ZC3H11A: variants seen among roughly 807,000 people sequenced by gnomAD.
The protein encoded by ZC3H11A is zinc finger CCCH-type containing 11A.
A neutral mutation model predicts 90.8 loss-of-function variants in ZC3H11A; 22 were observed. That is an observed-to-expected ratio of 0.24 (90% CI 0.17 to 0.35). ZC3H11A has a LOEUF of 0.35. Among genes scored for constraint, ZC3H11A ranks in the 10% least tolerant of loss-of-function variants. ZC3H11A has a pLI of 1.00. For synonymous variants in ZC3H11A, 294 were observed against 339.8 expected, an observed-to-expected ratio of 0.87 and a Z score of 1.48; for missense variants, 701 against 964.9, an observed-to-expected ratio of 0.73 and a Z score of 3.62.
intron 12 of ZC3H11A, among the ~76,000 whole-genome samples, chr1:203,841,927 G>A (rs1406330068): frequency 2.7e-5 from 4 of 150,464 alleles, no homozygotes; most frequent in African/African-American, 9.9e-5. Flanking sequence ...AGATGGGGTG[G>A]CGGTCGGGCA....
chr1:203,801,779 C>G lies in ZC3H11A; in HGVS notation c.-1383C>G, dbSNP rs1014647546. On this transcript the variant is annotated 5_prime_UTR_variant, in exon 2 of 18. Coordinates refer to ENST00000367210, the MANE Select transcript of ZC3H11A (RefSeq NM_001376342.1). ...TGGGCTGGTTTCAAAGTTTAGAACT[C>G]ATTTCTATGTATCAAAATCGGGTTT... 4.0e-5 allele frequency: 6 copies of G among 150,744 alleles called. No homozygotes were observed. The allele number at this position is 150,744 out of a possible 1,614,324, so 9.3% of individuals were successfully genotyped here. A position where few individuals can be genotyped will look rare whatever the true frequency, so the allele number is the denominator to read the frequency against.
At chr1:203,823,713 T>C (rs548778497) in intron 4 of ZC3H11A, among the ~76,000 whole-genome samples, 1 of 152,296 alleles carries the variant, frequency 6.6e-6, no homozygotes, top group South Asian at 2.1e-4. Context: ...AAGAACTAAA[T>C]ACTTATACTT....
intron 12 of ZC3H11A, among the ~76,000 whole-genome samples, chr1:203,844,177 T>C (rs1299074223): frequency 6.6e-6 from 1 of 150,824 alleles, no homozygotes; most frequent in Admixed American, 6.6e-5. Flanking sequence ...TTTTTATTTT[T>C]GTTTGAGACA....
intron 4 of ZC3H11A, among the ~76,000 whole-genome samples, chr1:203,821,238 C>T (rs1678568640): frequency 6.6e-6 from 1 of 152,142 alleles, no homozygotes; most frequent in Non-Finnish European, 1.5e-5. Flanking sequence ...TGTCTTGCGT[C>T]CTGTTCACCT....
chr1:203,849,351 T>C (rs1688722352), intron 14 of ZC3H11A, among the ~76,000 whole-genome samples: 1 of 152,234 alleles, frequency 6.6e-6, no homozygotes, highest in Admixed American at 6.5e-5. Context: ...CACATGATTC[T>C]CCATTATACA....
intron 12 of ZC3H11A, among the ~76,000 whole-genome samples, chr1:203,845,289 CAG>C (rs1478213116): frequency 6.6e-6 from 1 of 152,036 alleles, no homozygotes; most frequent in Non-Finnish European, 1.5e-5. Context: ...GGGAGGGAAA[CAG>C]GGCCTCTATG....
At position 203,849,944 on chromosome 1, in the gene ZC3H11A, G is replaced by A; in HGVS notation, c.1857G>A (p.Lys619=). Reference sequence around the variant, plus strand: ...GGCTTCCCACAAAGTCATCCCAGAAGGTGGAGGTAGAAACCTCAGGGATTG... The same window carrying A: ...GGCTTCCCACAAAGTCATCCCAGAAAGTGGAGGTAGAAACCTCAGGGATTG... ...TKRLPTKSSQ[K]VEVETSGIGD... The change falls in exon 15 of 18, where the codon AAG becomes AAA. Residue 619 remains lysine, a synonymous_variant. Coordinates refer to ENST00000367210, the MANE Select transcript of ZC3H11A (RefSeq NM_001376342.1). 6.2e-7 allele frequency: 1 copy of A among 1,614,100 alleles called. No individual in the cohort carries two copies. Among genetic ancestry groups the A allele is most frequent in the Non-Finnish European group, 8.5e-7 (1 of 1,180,026 alleles).
At chr1:203,843,643 T>G (rs558163262) in intron 12 of ZC3H11A, among the ~76,000 whole-genome samples, 140 of 152,324 alleles carry the variant, frequency 9.2e-4, no homozygotes, top group African/African-American at 3.2e-3. Context: ...AATGAATGAC[T>G]GCTGGTGTGT....
chr1:203,841,872 C>T (rs1486426927), intron 12 of ZC3H11A, among the ~76,000 whole-genome samples: 1 of 147,104 alleles, frequency 6.8e-6, no homozygotes, highest in Non-Finnish European at 1.5e-5. Flanking sequence ...AGGGGCTCCT[C>T]ACTTCTCAGA....
intron 12 of ZC3H11A, among the ~76,000 whole-genome samples, chr1:203,843,090 G>A (rs982576160): frequency 7.2e-5 from 11 of 152,082 alleles, no homozygotes; most frequent in East Asian, 3.9e-4. Context: ...AAGGGAGTCC[G>A]ATGTTGGACA....
chr1:203,848,924 G>T (rs1688618512), intron 14 of ZC3H11A, among the ~76,000 whole-genome samples: 1 of 151,930 alleles, frequency 6.6e-6, no homozygotes, highest in African/African-American at 2.4e-5. Flanking sequence ...TTGCTCTGTT[G>T]CCCAGGCTGG....
At chr1:203,831,559 C>G (rs1682385352) in intron 8 of ZC3H11A, 102 bp from the exon 9 acceptor site, 7 of 855,200 alleles carry the variant, frequency 8.2e-6, no homozygotes, top group Non-Finnish European at 1.3e-5. Context: ...GTCATAATAT[C>G]AGTCTGTATT....
intron 4 of ZC3H11A, among the ~76,000 whole-genome samples, chr1:203,825,076 C>CAAAAAAAAA (rs61108073): frequency 1.8e-5 from 2 of 108,950 alleles, no homozygotes; most frequent in Non-Finnish European, 3.5e-5. Context: ...GACTCCGTCT[C>CAAAAAAAAA]AAAAAAAAAA....
intron 2 of ZC3H11A, among the ~76,000 whole-genome samples, chr1:203,804,265 C>T (rs540665737): frequency 4.6e-5 from 7 of 151,684 alleles, no homozygotes; most frequent in African/African-American, 1.5e-4. Flanking sequence ...CATTCTCCTG[C>T]CTCAGCCTCC....
rs1677177319 is a variant in ZC3H11A, at chr1:203,818,683, G to T, written c.168G>T (p.Glu56Asp). 1.2e-6 allele frequency: 2 copies of T among 1,614,034 alleles called. No individual in the cohort carries two copies. Among genetic ancestry groups the T allele is most frequent in the Non-Finnish European group, 1.7e-6 (2 of 1,180,036 alleles). ...AGGTGTGCAGGTTTCGGCACATGGA[G>T]ATTGATGTAAGTTTTTTATTTCCGT... is the stretch of plus-strand genomic sequence containing the variant. ...FRQVCRFRHM[E>D]IDKKRSEIPC... The change falls in exon 4 of 18, where the codon GAG becomes GAT. Residue 56 changes from glutamate to aspartate, a missense_variant. This residue lies in a region of ZC3H11A where 59 missense variants were observed against 132.8 expected (regional missense o/e 0.44). Coordinates refer to ENST00000367210, the MANE Select transcript of ZC3H11A (RefSeq NM_001376342.1).
intron 15 of ZC3H11A, 191 bp downstream of exon 15, chr1:203,850,217 T>G: frequency 1.5e-6 from 1 of 673,576 alleles, no homozygotes; most frequent in Non-Finnish European, 2.5e-6. Context: ...GAATTTAAAA[T>G]TGCTATTTAA....
At position 203,848,416 on chromosome 1, in the gene ZC3H11A, A is replaced by C. The variant is rs1481465481; in HGVS notation, c.1623+9A>C. The C allele has an allele frequency of 4.4e-6, 7 of 1,600,576 alleles. No individual in the cohort carries two copies. The highest frequency in any genetic ancestry group is 1.3e-5 in the African/African-American group (1 of 74,456). The stretch of plus-strand genomic sequence containing the variant: ...GAACAGAAGCTAAAGAGGTAAATTT[A>C]AGATTATTGTATGGTTTTGTTCATG... On this transcript the variant is annotated intron_variant, in intron 14 of 17. Transcript: ENST00000367210.
intron 14 of ZC3H11A, among the ~76,000 whole-genome samples, chr1:203,849,086 T>C (rs1688662378): frequency 1.3e-5 from 2 of 152,228 alleles, no homozygotes; most frequent in African/African-American, 4.8e-5. Context: ...AGTTTCTCCA[T>C]GTTGTCCAGA....
At chr1:203,799,074 G>T in intron 1 of ZC3H11A, 2 of 1,536,102 alleles carry the variant, frequency 1.3e-6, no homozygotes, top group Non-Finnish European at 8.7e-7. Context: ...CAGGATCCCC[G>T]ATTTTAGAAA....
Sources: allele counts gnomAD v4.1 joint callset (sites outside exome capture counted in the v4.1 genomes callset), GRCh38; gene constraint gnomAD v4.1.1; regional missense constraint gnomAD v4.1.1; transcripts MANE v1.5; gene names NCBI Gene and HGNC (gene_info 2026-07-23, HGNC 2026-07-21).